Variants in TRDN observed in about 807,000 individuals in gnomAD.
TRDN encodes triadin in skeletal muscle.
A neutral mutation model predicts 149.7 loss-of-function variants in TRDN; 161 were observed. The ratio of observed to expected loss-of-function variants is 1.08; its 90% confidence interval spans 0.95 to 1.23. The LOEUF (loss-of-function observed/expected upper bound fraction) is 1.23, where lower values mean the gene tolerates loss of function less well. Among genes scored for constraint, TRDN ranks in the 50% most tolerant of loss-of-function variants. The pLI, the probability that TRDN is intolerant of heterozygous loss-of-function variation, is 0.00. For missense variants in TRDN, 896 were observed against 823.5 expected, an observed-to-expected ratio of 1.09 and a Z score of -1.08; for synonymous variants, 294 against 250.5, an observed-to-expected ratio of 1.17 and a Z score of -1.64.
At chr6:123,465,582 CAAAA>C (rs1223948612) in intron 9 of TRDN, among the ~76,000 whole-genome samples, 3 of 65,566 alleles carry the variant, frequency 4.6e-5, no homozygotes, top group South Asian at 6.3e-4. Flanking sequence ...TTATGAACTG[CAAAA>C]AAAAAAAAAA....
intron 6 of TRDN, among the ~76,000 whole-genome samples, chr6:123,514,010 T>C (rs1409346875): frequency 1.3e-5 from 2 of 152,160 alleles, no homozygotes; most frequent in Admixed American, 1.3e-4. Context: ...GTTAGAATCT[T>C]ACTTCGTATC....
chr6:123,464,789 AG>A, intron 10 of TRDN, 116 bp downstream of exon 10: 1 of 1,487,668 alleles, frequency 6.7e-7, no homozygotes, highest in Non-Finnish European at 8.9e-7. Context: ...ACATACTAAA[AG>A]TATTTAAGAA....
At chr6:123,233,030 A>G (rs905612232) in intron 38 of TRDN, among the ~76,000 whole-genome samples, 8 of 152,130 alleles carry the variant, frequency 5.3e-5, no homozygotes, top group African/African-American at 1.9e-4. Flanking sequence ...AAAGCTTAGC[A>G]TGAATATTTG....
chr6:123,572,161 T>C (rs1562397681), intron 1 of TRDN, among the ~76,000 whole-genome samples: 1 of 152,154 alleles, frequency 6.6e-6, no homozygotes, highest in African/African-American at 2.4e-5. Context: ...TGAATTTTAT[T>C]TGCAATATTT....
At chr6:123,272,929 G>A in intron 29 of TRDN, 35 bp downstream of exon 29, 1 of 1,436,816 alleles carries the variant, frequency 7.0e-7, no homozygotes, top group Non-Finnish European at 9.4e-7. Context: ...ACATTGAGAG[G>A]TTATTTGAGA....
intron 17 of TRDN, 28 bp downstream of exon 17, chr6:123,377,838 G>T (rs1446612025): frequency 1.3e-6 from 2 of 1,596,106 alleles, no homozygotes; most frequent in Admixed American, 1.7e-5. Flanking sequence ...ATGAAATTGT[G>T]AGAACAGAGG....
chr6:123,265,713 C>T (rs1285684567), intron 32 of TRDN, among the ~76,000 whole-genome samples: 2 of 147,188 alleles, frequency 1.4e-5, no homozygotes, highest in Non-Finnish European at 3.0e-5. Context: ...TTAATTTATA[C>T]TAATAATATT....
chr6:123,223,176 C>T (rs1038241179), intron 39 of TRDN, among the ~76,000 whole-genome samples: 2 of 151,592 alleles, frequency 1.3e-5, no homozygotes, highest in African/African-American at 2.4e-5. Flanking sequence ...CCTTGGCAAA[C>T]TAATGCAGGA....
chr6:123,483,963 T>A (rs968310820), intron 9 of TRDN, among the ~76,000 whole-genome samples: 5 of 152,158 alleles, frequency 3.3e-5, no homozygotes, highest in Non-Finnish European at 7.4e-5. Flanking sequence ...AACCAAAATA[T>A]GAGATATACT....
chr6:123,427,880 T>G (rs1196305613), intron 12 of TRDN, among the ~76,000 whole-genome samples: 1 of 152,198 alleles, frequency 6.6e-6, no homozygotes, highest in Admixed American at 6.6e-5. Flanking sequence ...TTTTAGTGAA[T>G]GAAACCTGCA....
Position 123,352,570 on chromosome 6 carries a change from C to T in TRDN, c.1338G>A (p.Lys446=), listed in dbSNP as rs1780507169. The T allele has an allele frequency of 1.2e-6, 2 of 1,609,020 alleles. No homozygotes were observed. Among genetic ancestry groups the T allele is most frequent in the Non-Finnish European group, 1.7e-6 (2 of 1,177,174 alleles). Residue 446 remains lysine (K), a synonymous_variant, in exon 21 of 41, where the codon AAG becomes AAA. Coordinates refer to ENST00000334268, the MANE Select transcript of TRDN (RefSeq NM_006073.4). ...CCACTGTCTTGGTTGTTTTCTCTTC[C>T]TTCTTTCCAGGTACAGCTGCAAAAC... is the stretch of plus-strand genomic sequence containing the variant. ...VSIKKAVPGK[K]EEKTTKTVEQ... is the part of the protein sequence containing the mutation.
intron 23 of TRDN, among the ~76,000 whole-genome samples, chr6:123,317,201 C>T (rs1779059215): frequency 6.6e-6 from 1 of 151,674 alleles, no homozygotes; most frequent in Admixed American, 6.6e-5. Context: ...TTCATGTTTC[C>T]AGTCTATCCT....
intron 21 of TRDN, among the ~76,000 whole-genome samples, chr6:123,344,195 G>T (rs534260981): frequency 8.1e-4 from 123 of 151,990 alleles, no homozygotes; most frequent in African/African-American, 2.9e-3. Context: ...CCCTCTTCAA[G>T]CACACTCAGG....
At chr6:123,228,516 G>A (rs957876970) in intron 38 of TRDN, among the ~76,000 whole-genome samples, 1 of 151,848 alleles carries the variant, frequency 6.6e-6, no homozygotes, top group Non-Finnish European at 1.5e-5. Flanking sequence ...ACTGAGCAAA[G>A]GGGACAAACC....
At chr6:123,455,318 T>C (rs557402979) in intron 10 of TRDN, among the ~76,000 whole-genome samples, 6 of 150,128 alleles carry the variant, frequency 4.0e-5, no homozygotes, top group African/African-American at 1.5e-4. Context: ...ATTGCATTTA[T>C]TTAAAATGGG....
intron 2 of TRDN, among the ~76,000 whole-genome samples, chr6:123,549,592 T>G (rs564997126): frequency 6.6e-6 from 1 of 152,212 alleles, no homozygotes; most frequent in South Asian, 2.1e-4. Flanking sequence ...TACATCTAAT[T>G]AGGCTTTTAC....
intron 10 of TRDN, chr6:123,464,202 G>C: frequency 2.2e-6 from 2 of 904,300 alleles, no homozygotes; most frequent in Non-Finnish European, 2.6e-6. Flanking sequence ...TCCCATGTTT[G>C]GGATTTAATA....
rs1322715294 is a variant in TRDN, at chr6:123,261,028, T to C, written c.1805-390A>G. Among the ~76,000 whole-genome samples, 4 of 151,778 alleles carry C rather than the reference T, an allele frequency of 2.6e-5. No individual in the cohort carries two copies. In the East Asian group the frequency reaches 7.7e-4, roughly 29 times the overall value. ...TTTATAACACAAAAAATATGATAAA[T>C]GCTGATGTGATGGATACCCCATTTA... On this transcript the variant is annotated intron_variant, in intron 33 of 40. Transcript: ENST00000334268.
chr6:123,437,381 A>ATTTTTTT lies in TRDN; in HGVS notation c.1051+675_1051+681dup, dbSNP rs565538741. 7.0e-5 allele frequency: 13 copies of ATTTTTTT among 186,486 alleles called. 1 individual carries two copies. The highest frequency in any genetic ancestry group is 5.7e-4 in the African/African-American group (11 of 19,450). The allele number at this position is 186,486 out of a possible 1,614,324, so 11.6% of individuals were successfully genotyped here. A position where few individuals can be genotyped will look rare whatever the true frequency, so the allele number is the denominator to read the frequency against. ...CTTTCTCTACTTTATTGAGATACAG[A>ATTTTTTT]TTTTTTTTTTTTTTTTTTTTTTTTT... On this transcript the variant is annotated intron_variant, in intron 12 of 40. Transcript: ENST00000334268.
Sources: gnomAD v4.1 joint callset for allele counts (sites outside exome capture counted in the v4.1 genomes callset) on GRCh38, gnomAD v4.1.1 for gene constraint, MANE v1.5 for transcripts, NCBI Gene and HGNC (gene_info 2026-07-23, HGNC 2026-07-21) for gene names.